NUBPL: variants seen among roughly 807,000 people sequenced by gnomAD.
The protein encoded by NUBPL is iron-sulfur cluster transfer protein NUBPL.
Under a neutral mutation model 45.7 loss-of-function variants are expected in NUBPL, and 31 were observed. That is an observed-to-expected ratio of 0.68 (90% CI 0.51 to 0.92). NUBPL has a LOEUF of 0.92. Among genes scored for constraint, NUBPL ranks in the 40% least tolerant of loss-of-function variants. NUBPL has a pLI of 0.00. For synonymous variants in NUBPL, 144 were observed against 140.9 expected, an observed-to-expected ratio of 1.02 and a Z score of -0.15; for missense variants, 401 against 398.7, an observed-to-expected ratio of 1.01 and a Z score of -0.05.
Position 31,835,533 on chromosome 14 carries a change from G to A in NUBPL, c.693+8819G>A, listed in dbSNP as rs201842673. Among the ~76,000 whole-genome samples the A allele has an allele frequency of 1.6e-4, 24 of 152,260 alleles. No individual in the cohort carries two copies. In the East Asian group the frequency reaches 4.6e-3, roughly 29 times the overall value. On this transcript the variant is annotated intron_variant, in intron 8 of 10. Transcript: ENST00000281081. ...TTAGCATAGCCTTAGCACACGGTAT[G>A]GTAAAGGGTAGCTCTGAATGTTTTT...
At chr14:31,567,470 G>A (rs979089514) in intron 3 of NUBPL, among the ~76,000 whole-genome samples, 10 of 152,060 alleles carry the variant, frequency 6.6e-5, no homozygotes, top group African/African-American at 2.4e-4. Context: ...TAATTTTTCT[G>A]TCATATTTTG....
intron 8 of NUBPL, among the ~76,000 whole-genome samples, chr14:31,837,288 A>T (rs1217361499): frequency 6.6e-6 from 1 of 152,168 alleles, no homozygotes; most frequent in Non-Finnish European, 1.5e-5. Context: ...CCGTGATCAC[A>T]CTACTGCATT....
chr14:31,800,546 G>T (rs2039567321), intron 7 of NUBPL, among the ~76,000 whole-genome samples: 1 of 152,198 alleles, frequency 6.6e-6, no homozygotes, highest in African/African-American at 2.4e-5. Flanking sequence ...AATGGCACGG[G>T]TAGACTTGCT....
intron 2 of NUBPL, among the ~76,000 whole-genome samples, chr14:31,563,494 C>T (rs1222079345): frequency 1.3e-5 from 2 of 152,006 alleles, no homozygotes; most frequent in Non-Finnish European, 2.9e-5. Flanking sequence ...AACATTATAC[C>T]ATCTGTCCCG....
intron 6 of NUBPL, among the ~76,000 whole-genome samples, chr14:31,735,103 T>C (rs2038137022): frequency 6.6e-6 from 1 of 152,196 alleles, no homozygotes. Context: ...ATAGCAGCCT[T>C]ACTTGTGACA....
intron 4 of NUBPL, among the ~76,000 whole-genome samples, chr14:31,638,565 T>C (rs1396954032): frequency 1.3e-5 from 2 of 152,038 alleles, no homozygotes; most frequent in African/African-American, 4.8e-5. Context: ...CAGTTTTGTG[T>C]CTTGGAGTTG....
chr14:31,615,012 T>C (rs1010673557), intron 4 of NUBPL, among the ~76,000 whole-genome samples: 1 of 152,184 alleles, frequency 6.6e-6, no homozygotes, highest in Non-Finnish European at 1.5e-5. Context: ...TGATATAGTT[T>C]GGCTCTGTAT....
At position 31,826,688 on chromosome 14, in the gene NUBPL, G is replaced by A. The variant is rs1255880025; in HGVS notation, c.667G>A (p.Glu223Lys). 3 of 1,614,138 alleles carry A rather than the reference G, an allele frequency of 1.9e-6. No homozygotes were observed. The highest frequency in any genetic ancestry group is 1.7e-6 in the Non-Finnish European group (2 of 1,179,968). The change falls in exon 8 of 11, where the codon GAG (glutamate) becomes AAG (lysine). Residue 223 changes from glutamate (E) to lysine (K), a missense_variant. Coordinates refer to ENST00000281081, the MANE Select transcript of NUBPL (RefSeq NM_025152.3). ...IALMDAHKGA[E>K]MFRRVHVPVL... ...ATTGATGGATGCACACAAGGGTGCT[G>A]AGATGTTTCGCAGAGTCCACGTGCC... is the stretch of plus-strand genomic sequence containing the variant.
chr14:31,813,098 C>A (rs890517791), intron 7 of NUBPL, among the ~76,000 whole-genome samples: 3 of 151,126 alleles, frequency 2.0e-5, no homozygotes, highest in African/African-American at 7.3e-5. Context: ...ACGCCATTCT[C>A]GTTTCAGCCT....
chr14:31,712,400 C>A (rs1365698978), intron 6 of NUBPL, among the ~76,000 whole-genome samples: 2 of 152,242 alleles, frequency 1.3e-5, no homozygotes, highest in Non-Finnish European at 2.9e-5. Context: ...CCTGATCAAG[C>A]CCAGCAGGCA....
At chr14:31,561,584 C>A in intron 1 of NUBPL, 37 bp downstream of exon 1, 1 of 1,282,844 alleles carries the variant, frequency 7.8e-7, no homozygotes, top group Non-Finnish European at 1.0e-6. Flanking sequence ...AGCGGGCTGA[C>A]AGATGCTGGG....
chr14:31,802,337 A>G (rs1208541499), intron 7 of NUBPL, among the ~76,000 whole-genome samples: 1 of 151,426 alleles, frequency 6.6e-6, no homozygotes, highest in Non-Finnish European at 1.5e-5. Context: ...GTGCAGTGAC[A>G]TGATCTTGGC....
intron 8 of NUBPL, among the ~76,000 whole-genome samples, chr14:31,842,477 C>CT (rs778750905): frequency 5.3e-5 from 8 of 151,406 alleles, no homozygotes; most frequent in Non-Finnish European, 8.8e-5. Context: ...TAGTTCCAAA[C>CT]TTTTTTTTTC....
intron 7 of NUBPL, among the ~76,000 whole-genome samples, chr14:31,789,505 G>A (rs557662619): frequency 3.3e-4 from 50 of 152,062 alleles, no homozygotes; most frequent in African/African-American, 1.0e-3. Flanking sequence ...TTTATGATAC[G>A]AAATTTAAAT....
At chr14:31,611,747 A>G (rs1208903712) in intron 4 of NUBPL, among the ~76,000 whole-genome samples, 2 of 147,930 alleles carry the variant, frequency 1.4e-5, no homozygotes, top group Non-Finnish European at 2.9e-5. Flanking sequence ...AACCAAATAA[A>G]GAACCCAGAA....
At position 31,566,577 on chromosome 14, in the gene NUBPL, T is replaced by A. The variant is rs373269284; in HGVS notation, c.291+1529T>A. ...AGGACACCCTTGAGTCCTTATATGG[T>A]TTGGTAGGCAGAACAGTGGCCTGCC... On this transcript the variant is annotated intron_variant, in intron 3 of 10. Transcript: ENST00000281081. 1.1e-3 allele frequency among the ~76,000 whole-genome samples: 163 copies of A among 152,168 alleles called. 6 individuals carry two copies. The South Asian group carries it at 0.033, about 31-fold the overall frequency.
At chr14:31,802,656 T>C (rs1289761868) in intron 7 of NUBPL, among the ~76,000 whole-genome samples, 1 of 151,922 alleles carries the variant, frequency 6.6e-6, no homozygotes, top group African/African-American at 2.4e-5. Flanking sequence ...GACTTCCCAG[T>C]CTACAGAGCA....
At chr14:31,581,779 G>A (rs1429689008) in intron 3 of NUBPL, among the ~76,000 whole-genome samples, 1 of 152,158 alleles carries the variant, frequency 6.6e-6, no homozygotes, top group Non-Finnish European at 1.5e-5. Flanking sequence ...TTTAAATTTG[G>A]ATGTCAGCAT....
intron 6 of NUBPL, among the ~76,000 whole-genome samples, chr14:31,742,237 TACACACACAC>T (rs3035713): frequency 1.9e-4 from 27 of 141,472 alleles, no homozygotes; most frequent in African/African-American, 4.2e-4. Flanking sequence ...AACTATTGTG[TACACACACAC>T]ACACACACAC....
Sources: gnomAD v4.1 joint callset for allele counts (sites outside exome capture counted in the v4.1 genomes callset) on GRCh38, gnomAD v4.1.1 for gene constraint, MANE v1.5 for transcripts, NCBI Gene and HGNC (gene_info 2026-07-23, HGNC 2026-07-21) for gene names.